The following PIP5K1A variants were observed in gnomAD, a reference collection of about 807,000 sequenced individuals.
PIP5K1A encodes the protein phosphatidylinositol-4-phosphate 5-kinase type 1 alpha.
In PIP5K1A, 46 loss-of-function variants were observed where a neutral mutation model predicts 72.9. That is an observed-to-expected ratio of 0.63 (90% CI 0.50 to 0.81). PIP5K1A has a LOEUF of 0.81. PIP5K1A is among the 30% of genes least tolerant of loss of function. PIP5K1A has a pLI of 0.00. For missense variants in PIP5K1A, 458 were observed against 706.1 expected, an observed-to-expected ratio of 0.65 and a Z score of 3.98; for synonymous variants, 228 against 255.1, an observed-to-expected ratio of 0.89 and a Z score of 1.01.
At position 151,230,948 on chromosome 1, in the gene PIP5K1A, C is replaced by T. The variant is rs587625079; in HGVS notation, c.238-723C>T. ...AATATTGGTTAATTTTAGGGCTGGG[C>T]ATGGTGGCTCATGCCCGTAATCCCA... On this transcript the variant is annotated intron_variant, in intron 4 of 15. Transcript: ENST00000368888. Among the ~76,000 whole-genome samples the T allele has an allele frequency of 3.3e-5, 5 of 152,330 alleles. No individual in the cohort carries two copies. The East Asian group carries it at 9.7e-4, about 29-fold the overall frequency.
At position 151,199,098 on chromosome 1, in the gene PIP5K1A, G is replaced by A. The variant is rs1684824956; in HGVS notation, c.85+17G>A. ...TGTCCTCAGGTAAGCCCGGCAGGGC[G>A]TGGGTAGGGAGCTGGTGAGGAATAT... On this transcript the variant is annotated intron_variant, in intron 1 of 15. Coordinates refer to ENST00000368888, the MANE Select transcript of PIP5K1A (RefSeq NM_001135638.2). The A allele has an allele frequency of 6.2e-7, 1 of 1,613,876 alleles. No homozygotes were observed. The highest frequency in any genetic ancestry group is 1.1e-5 in the South Asian group (1 of 91,094).
At chr1:151,238,999 C>G in intron 10 of PIP5K1A, 131 bp from the exon 11 acceptor site, 1 of 646,646 alleles carries the variant, frequency 1.5e-6, no homozygotes, top group Non-Finnish European at 2.7e-6. Flanking sequence ...ACCAGTGTAC[C>G]AGTAGATGTG....
At chr1:151,210,842 CT>C (rs1686700712) in intron 1 of PIP5K1A, among the ~76,000 whole-genome samples, 1 of 152,160 alleles carries the variant, frequency 6.6e-6, no homozygotes, top group African/African-American at 2.4e-5. Context: ...CTGCCTCAGC[CT>C]CCCAAAGTGC....
At chr1:151,197,805 T>C (rs1038506050), upstream of PIP5K1A, 45 of 292,378 alleles carry the variant, frequency 1.5e-4, no homozygotes, top group Non-Finnish European at 2.8e-4. Flanking sequence ...GAGAGACTGG[T>C]CTTCCCACCA....
In PIP5K1A at chr1:151,224,386, C is replaced by T. The variant is rs894274287; in HGVS notation, c.136C>T (p.Gln46Ter). ...PMASEVLEAR[Q>*]DSYISLVPYA... ...CTCTACTTAGGTCTTGGAAGCTAGACAGGATTCTTACATCTCATTGGTAGG... is the reference window on the plus strand; with the variant it reads ...CTCTACTTAGGTCTTGGAAGCTAGATAGGATTCTTACATCTCATTGGTAGG... The change falls in exon 3 of 16, where the codon CAG (glutamine) becomes TAG (stop). Residue 46 changes from glutamine (Q) to a stop codon, truncating the protein, a stop_gained. Transcript: ENST00000368888. LOFTEE classifies it high-confidence loss of function. 4 of 1,605,644 alleles carry T rather than the reference C, an allele frequency of 2.5e-6. No individual in the cohort carries two copies. Among genetic ancestry groups the T allele is most frequent in the Non-Finnish European group, 3.4e-6 (4 of 1,172,766 alleles).
chr1:151,222,642 C>T (rs1484782479), intron 1 of PIP5K1A, among the ~76,000 whole-genome samples: 1 of 152,158 alleles, frequency 6.6e-6, no homozygotes, highest in Non-Finnish European at 1.5e-5. Flanking sequence ...CTGGTCTCTT[C>T]TAAACCGTTT....
intron 6 of PIP5K1A, 24 bp downstream of exon 6, chr1:151,232,389 C>G: frequency 2.6e-6 from 4 of 1,542,156 alleles, no homozygotes; most frequent in Non-Finnish European, 3.6e-6. Context: ...TATCAGGACA[C>G]TGTGACTCCA....
At chr1:151,239,364 G>T (rs780902873) in intron 11 of PIP5K1A, among the ~76,000 whole-genome samples, 186 bp downstream of exon 11, 1 of 146,302 alleles carries the variant, frequency 6.8e-6, no homozygotes, top group Non-Finnish European at 1.5e-5. Flanking sequence ...CCTCCGTCTC[G>T]CAGTTTCAAG....
In PIP5K1A at chr1:151,223,825, C is replaced by T. The variant is rs587756168; in HGVS notation, c.86-420C>T. ...CCATCATGGTGAAATCCCGCCTCCA[C>T]TAAAAACACAAAAATTAGCTGAATG... On this transcript the variant is annotated intron_variant, in intron 1 of 15. Transcript: ENST00000368888. 35 of 172,554 alleles carry T rather than the reference C, an allele frequency of 2.0e-4. No individual in the cohort carries two copies. The South Asian group carries it at 4.3e-3, about 21-fold the overall frequency. 10.7% of individuals were successfully genotyped at this position (172,554 alleles called of 1,614,324 possible).
At chr1:151,223,667 A>C (rs1389573480) in intron 1 of PIP5K1A, among the ~76,000 whole-genome samples, 2 of 149,088 alleles carry the variant, frequency 1.3e-5, no homozygotes, top group African/African-American at 2.5e-5. Context: ...AAAGCGACAG[A>C]GCGAGACTCC....
intron 7 of PIP5K1A, 41 bp from the exon 8 acceptor site, chr1:151,234,156 C>G (rs777485158): frequency 1.3e-6 from 2 of 1,502,468 alleles, no homozygotes; most frequent in Non-Finnish European, 1.8e-6. Flanking sequence ...TGAAAATCAG[C>G]TAAGTTGTTC....
intron 1 of PIP5K1A, among the ~76,000 whole-genome samples, chr1:151,206,740 A>G (rs587623160): frequency 2.0e-5 from 3 of 152,050 alleles, no homozygotes; most frequent in East Asian, 3.9e-4. Flanking sequence ...TAATTTTTGT[A>G]CTTTCAGTAG....
At position 151,199,324 on chromosome 1, in the gene PIP5K1A, G is replaced by A. The variant is rs1684869893; in HGVS notation, c.85+243G>A. Reference sequence around the variant, plus strand: ...GGACGGATGGAGATTGAAGGTGGGGGTAGGGTGGCCCGGCGCGGTGGCTCA... The same window carrying A: ...GGACGGATGGAGATTGAAGGTGGGGATAGGGTGGCCCGGCGCGGTGGCTCA... On this transcript the variant is annotated intron_variant, in intron 1 of 15. Transcript: ENST00000368888. 7 of 716,712 alleles carry A rather than the reference G, an allele frequency of 9.8e-6. 1 individual carries two copies. Among genetic ancestry groups the A allele is most frequent in the South Asian group, 4.3e-5 (2 of 46,518 alleles). 44.4% of individuals were successfully genotyped at this position (716,712 alleles called of 1,614,324 possible).
chr1:151,242,368 C>T lies in PIP5K1A; in HGVS notation c.1511-70C>T, dbSNP rs1188576850. 5.0e-6 allele frequency: 8 copies of T among 1,600,350 alleles called. No individual in the cohort carries two copies. The South Asian group carries it at 6.6e-5, about 13-fold the overall frequency. On this transcript the variant is annotated intron_variant, in intron 13 of 15. Transcript: ENST00000368888. The stretch of plus-strand genomic sequence containing the variant: ...CCAGGACCTCTGCTCCCATTTCTAT[C>T]CAGGAAGCCTAGCTGCTACATATTT...
At chr1:151,219,466 C>A (rs1688092162) in intron 1 of PIP5K1A, among the ~76,000 whole-genome samples, 1 of 151,216 alleles carries the variant, frequency 6.6e-6, no homozygotes, top group Admixed American at 6.6e-5. Flanking sequence ...GCGGGCGGGT[C>A]ATCTGCAGTC....
At chr1:151,246,484 A>G (rs894084284) in intron 14 of PIP5K1A, among the ~76,000 whole-genome samples, 11 of 152,084 alleles carry the variant, frequency 7.2e-5, no homozygotes, top group African/African-American at 2.2e-4. Context: ...CAGGGGCTAG[A>G]GCATGAGTCC....
chr1:151,231,809 G>A lies in PIP5K1A; in HGVS notation c.368+8G>A, dbSNP rs781107400. The A allele has an allele frequency of 2.7e-5, 44 of 1,613,738 alleles. No individual in the cohort carries two copies. The Admixed American group carries it at 7.2e-4, about 26-fold the overall frequency. ...GAGTATCTTCTTTCCCAGGTACAGA[G>A]TTTAATGTTCAGGAGCATGTCCTGG... On this transcript the variant is annotated splice_region_variant and intron_variant, in intron 5 of 15. Transcript: ENST00000368888.
chr1:151,240,155 C>T, intron 12 of PIP5K1A, 116 bp downstream of exon 12: 3 of 732,026 alleles, frequency 4.1e-6, no homozygotes, highest in Non-Finnish European at 7.3e-6. Flanking sequence ...GCCTCTCCTT[C>T]CACCTACATC....
At chr1:151,241,104 A>G (rs1412804677) in intron 12 of PIP5K1A, among the ~76,000 whole-genome samples, 2 of 152,128 alleles carry the variant, frequency 1.3e-5, no homozygotes, top group Non-Finnish European at 2.9e-5. Flanking sequence ...CAGAGGTTGC[A>G]GTGAACTGAG....
Sources: allele counts gnomAD v4.1 joint callset (sites outside exome capture counted in the v4.1 genomes callset), GRCh38; gene constraint gnomAD v4.1.1; transcripts MANE v1.5; gene names NCBI Gene and HGNC (gene_info 2026-07-23, HGNC 2026-07-21).